Variants in BCAS3 observed in about 807,000 individuals in gnomAD.
The protein encoded by BCAS3 is BCAS3 microtubule associated cell migration factor.
BCAS3 carries 53 observed loss-of-function variants against 116.1 expected under a neutral mutation model. The ratio of observed to expected loss-of-function variants is 0.46; its 90% CI spans 0.37 to 0.57. The LOEUF (loss-of-function observed/expected upper bound fraction) is 0.57. Ranked by LOEUF, BCAS3 falls within the 20% of genes least tolerant of loss-of-function variation. BCAS3 has a pLI of 0.00. For synonymous variants in BCAS3, 391 were observed against 408.2 expected, an observed-to-expected ratio of 0.96 and a Z score of 0.51; for missense variants, 917 against 1,165.4, an observed-to-expected ratio of 0.79 and a Z score of 3.10.
chr17:61,031,188 A>G (rs1434706796), intron 16 of BCAS3, among the ~76,000 whole-genome samples: 1 of 152,062 alleles, frequency 6.6e-6, no homozygotes, highest in Non-Finnish European at 1.5e-5. Flanking sequence ...AGAGAGAAAA[A>G]AAAGGTTAGC....
intron 14 of BCAS3, among the ~76,000 whole-genome samples, chr17:60,988,338 C>CTTTTTTTTTTTTTTTTTTTTTTTTTTTCT (rs71148317): frequency 1.5e-5 from 1 of 66,762 alleles, no homozygotes; most frequent in Non-Finnish European, 2.9e-5. Context: ...TTTTCTTTTT[C>CTTTTTTTTTTTTTTTTTTTTTTTTTTTCT]TTTTTTTTTT....
intron 14 of BCAS3, among the ~76,000 whole-genome samples, chr17:60,955,386 A>T (rs1000469335): frequency 2.3e-5 from 3 of 128,086 alleles, no homozygotes; most frequent in East Asian, 2.1e-4. Flanking sequence ...GGGAAACTGA[A>T]TTTTTTTTTT....
At chr17:60,941,625 G>C (rs1013429751) in intron 13 of BCAS3, among the ~76,000 whole-genome samples, 4 of 152,000 alleles carry the variant, frequency 2.6e-5, no homozygotes, top group Non-Finnish European at 5.9e-5. Context: ...TTGCATGGAG[G>C]GGTGGAAAAA....
intron 6 of BCAS3, among the ~76,000 whole-genome samples, chr17:60,784,965 C>T (rs1256894099): frequency 6.6e-6 from 1 of 151,840 alleles, no homozygotes; most frequent in Non-Finnish European, 1.5e-5. Context: ...GGCGTGGTGG[C>T]AGGCGCCTGT....
intron 6 of BCAS3, among the ~76,000 whole-genome samples, chr17:60,785,205 C>T (rs937877539): frequency 1.3e-5 from 2 of 152,096 alleles, no homozygotes; most frequent in Admixed American, 6.5e-5. Context: ...GTCACCCAGG[C>T]TGGAGTGCAG....
intron 14 of BCAS3, among the ~76,000 whole-genome samples, chr17:60,976,223 ACC>A (rs1668836135): frequency 6.7e-6 from 1 of 150,172 alleles, no homozygotes; most frequent in African/African-American, 2.4e-5. Flanking sequence ...ATCGGGTTTC[ACC>A]GTGTTAGCCA....
intron 13 of BCAS3, among the ~76,000 whole-genome samples, chr17:60,939,126 A>G (rs1006688016): frequency 6.6e-6 from 1 of 152,170 alleles, no homozygotes; most frequent in Admixed American, 6.5e-5. Context: ...TGTTTGAGTT[A>G]CAATATTAAA....
rs2054472475 is a variant in BCAS3, at chr17:61,313,274, GC to G, written c.2426-55051del. ...TGCCATATAACTGGTAAAGGGTGTG[GC>G]CACGATTACACCACCATGATTCTAC... On this transcript the variant is annotated intron_variant, in intron 22 of 23. Coordinates refer to ENST00000407086, the MANE Select transcript of BCAS3 (RefSeq NM_017679.5). This position sits in a 1 kb window ranked among gnomAD's most constrained non-coding sequence, Gnocchi z 4.3. Among the ~76,000 whole-genome samples, 1 of 152,204 alleles carries G rather than the reference GC, an allele frequency of 6.6e-6. No homozygotes were observed.
chr17:60,833,183 A>G (rs1052583269), intron 7 of BCAS3, among the ~76,000 whole-genome samples: 5 of 152,246 alleles, frequency 3.3e-5, no homozygotes, highest in African/African-American at 7.2e-5. Flanking sequence ...ATATATTCTA[A>G]AAGAATCCAA....
chr17:61,072,644 T>C (rs1331418614), intron 19 of BCAS3, among the ~76,000 whole-genome samples: 1 of 149,820 alleles, frequency 6.7e-6, no homozygotes, highest in Non-Finnish European at 1.5e-5. Context: ...AATTGCTAAT[T>C]GCTTTCCATC....
chr17:61,120,256 T>C (rs960153852), intron 22 of BCAS3, among the ~76,000 whole-genome samples: 3 of 152,104 alleles, frequency 2.0e-5, no homozygotes, highest in Non-Finnish European at 4.4e-5. Context: ...ATTTTAAATA[T>C]AGTACAGTGA....
chr17:60,781,002 T>C (rs1406716966), intron 6 of BCAS3, among the ~76,000 whole-genome samples: 3 of 152,056 alleles, frequency 2.0e-5, no homozygotes, highest in African/African-American at 7.2e-5. Context: ...GGAGTCTCAC[T>C]CTGTCCCCCA....
chr17:60,768,422 C>A (rs1233499534), intron 6 of BCAS3, among the ~76,000 whole-genome samples: 1 of 152,164 alleles, frequency 6.6e-6, no homozygotes, highest in Non-Finnish European at 1.5e-5. Context: ...AAAGGCTAGA[C>A]TGGCCTAACC....
At chr17:60,795,648 T>C (rs1236688954) in intron 6 of BCAS3, among the ~76,000 whole-genome samples, 1 of 152,202 alleles carries the variant, frequency 6.6e-6, no homozygotes, top group Non-Finnish European at 1.5e-5. Flanking sequence ...TTTTGTTGAA[T>C]GCTTTTTCTG....
At chr17:60,729,762 T>C (rs1364398143) in intron 5 of BCAS3, among the ~76,000 whole-genome samples, 4 of 152,218 alleles carry the variant, frequency 2.6e-5, no homozygotes, top group African/African-American at 9.6e-5. Flanking sequence ...GGTTTATCTG[T>C]TGCACTGCTT....
At chr17:61,331,753 C>A (rs947649594) in intron 22 of BCAS3, among the ~76,000 whole-genome samples, 1 of 152,186 alleles carries the variant, frequency 6.6e-6, no homozygotes. Context: ...ATTCTTGTGA[C>A]GAGAACTCAT....
Position 60,779,201 on chromosome 17 carries a change from C to T in BCAS3, c.404-28803C>T, listed in dbSNP as rs373793770. On this transcript the variant is annotated intron_variant, in intron 6 of 23. Transcript: ENST00000407086. ...GCTCTCCCCACCCCCAAATAAAACCCCCAAAACAAAATTCAGAACTTTTTG... is the reference window on the plus strand; with the variant it reads ...GCTCTCCCCACCCCCAAATAAAACCTCCAAAACAAAATTCAGAACTTTTTG... Among the ~76,000 whole-genome samples, 185 of 151,944 alleles carry T rather than the reference C, an allele frequency of 1.2e-3. 1 individual carries two copies. Among genetic ancestry groups the T allele is most frequent in the African/African-American group, 4.0e-3 (167 of 41,436 alleles).
Position 61,392,008 on chromosome 17 carries a change from G to A in BCAS3, c.2625G>A (p.Leu875=), listed in dbSNP as rs766667067. 1.2e-6 allele frequency: 2 copies of A among 1,613,880 alleles called. No homozygotes were observed. The highest frequency in any genetic ancestry group is 1.3e-5 in the African/African-American group (1 of 75,034). Residue 875 remains leucine, a synonymous_variant, in exon 24 of 24, where the codon CTG becomes CTA. Coordinates refer to ENST00000407086, the MANE Select transcript of BCAS3 (RefSeq NM_017679.5). The surrounding 1 kb of genome is among the most constrained non-coding windows in gnomAD (Gnocchi z 6.4). ...AGCGAGAGGGAAGCATCGAGACTCT[G>A]AGTAACAGCTCAGGCTCCACCAGCG... ...ELQREGSIET[L]SNSSGSTSGS...
At chr17:60,930,708 T>A (rs936900335) in intron 13 of BCAS3, among the ~76,000 whole-genome samples, 1 of 152,196 alleles carries the variant, frequency 6.6e-6, no homozygotes, top group African/African-American at 2.4e-5. Flanking sequence ...TCCGCCTGCC[T>A]CAGCCTCCCA....
Sources: allele counts gnomAD v4.1 joint callset (sites outside exome capture counted in the v4.1 genomes callset), GRCh38; gene constraint gnomAD v4.1.1; non-coding constraint Gnocchi (gnomAD v3.1); transcripts MANE v1.5; gene names NCBI Gene and HGNC (gene_info 2026-07-23, HGNC 2026-07-21).